HEG1: variants seen among roughly 807,000 people sequenced by gnomAD.
HEG1 encodes protein HEG homolog 1.
In HEG1, 56 loss-of-function variants were observed where a neutral mutation model predicts 125.6. The ratio of observed to expected loss-of-function variants is 0.45; its 90% CI spans 0.36 to 0.56. The LOEUF (loss-of-function observed/expected upper bound fraction) is 0.56. Ranked by LOEUF, HEG1 falls within the 20% of genes least tolerant of loss-of-function variation. The pLI is 0.00. For missense variants in HEG1, 1,523 were observed against 1,670.0 expected (o/e 0.91, Z 1.53); for synonymous variants, 644 against 668.5 (o/e 0.96, Z 0.57).
intron 5 of HEG1, among the ~76,000 whole-genome samples, chr3:125,015,803 CA>C (rs1458079453): frequency 2.2e-5 from 3 of 137,296 alleles, no homozygotes; most frequent in African/African-American, 7.7e-5. Flanking sequence ...AAAAAAAACC[CA>C]AAAAACAAAA....
At chr3:125,009,623 G>C in intron 8 of HEG1, 82 bp downstream of exon 8, 7 of 1,391,964 alleles carry the variant, frequency 5.0e-6, no homozygotes, top group Non-Finnish European at 5.8e-6. Flanking sequence ...ACTGATTTTG[G>C]TTAGCAAGAA....
intron 11 of HEG1, among the ~76,000 whole-genome samples, chr3:125,001,021 T>G (rs1350654472): frequency 6.6e-6 from 1 of 152,244 alleles, no homozygotes; most frequent in Non-Finnish European, 1.5e-5. Context: ...AAAACTTCCC[T>G]TTTGAACTTG....
At chr3:124,991,657 G>A (rs1046192668) in intron 12 of HEG1, among the ~76,000 whole-genome samples, 3 of 151,982 alleles carry the variant, frequency 2.0e-5, no homozygotes, top group African/African-American at 7.3e-5. Context: ...TGTTGCCCAG[G>A]CTAGAGTGCA....
chr3:124,987,952 C>CACACACATATATATATATATATATAT, intron 14 of HEG1, among the ~76,000 whole-genome samples: 3 of 54,700 alleles, frequency 5.5e-5, no homozygotes, highest in Admixed American at 4.4e-4. Flanking sequence ...CACACACACA[C>CACACACATATATATATATATATATAT]ATATATATAT....
chr3:124,992,142 C>A (rs899764365), intron 12 of HEG1, among the ~76,000 whole-genome samples: 1 of 152,150 alleles, frequency 6.6e-6, no homozygotes, highest in Non-Finnish European at 1.5e-5. Flanking sequence ...GTTTTCGTAA[C>A]AGAATGCTCA....
chr3:124,968,480 A>C lies in HEG1; in HGVS notation c.*2172T>G, dbSNP rs1257934418. 1 of 152,232 alleles carries C rather than the reference A, an allele frequency of 6.6e-6. No homozygotes were observed. Among genetic ancestry groups the C allele is most frequent in the Non-Finnish European group, 1.5e-5 (1 of 68,050 alleles). 9.4% of individuals were successfully genotyped at this position (152,232 alleles called of 1,614,324 possible). ...ATACGGAAGAAACCCATGAACAAGA[A>C]GCATTGTTGGAACTCACAGGACACC... is the stretch of plus-strand genomic sequence containing the variant. On this transcript the variant is annotated 3_prime_UTR_variant, in exon 17 of 17. Transcript: ENST00000311127.
At chr3:125,011,065 T>C (rs1461526953) in intron 6 of HEG1, among the ~76,000 whole-genome samples, 1 of 152,154 alleles carries the variant, frequency 6.6e-6, no homozygotes, top group Non-Finnish European at 1.5e-5. Context: ...CAAATGTAAC[T>C]CAGCCTCCAC....
chr3:124,976,034 G>A (rs12630619), intron 15 of HEG1, among the ~76,000 whole-genome samples: 6,711 of 152,262 alleles, frequency 0.044, 227 homozygotes, highest in East Asian at 0.16. Flanking sequence ...ATATACCTAA[G>A]AGTGGAAGTG....
intron 1 of HEG1, among the ~76,000 whole-genome samples, chr3:125,040,575 A>G (rs1359897336): frequency 1.3e-5 from 2 of 152,206 alleles, no homozygotes; most frequent in Non-Finnish European, 2.9e-5. Context: ...GGACTGGTGG[A>G]CCACAATCAA....
rs1320355873 is a variant in HEG1 at position 124,977,860 on chromosome 3, T to C, written c.3820A>G (p.Arg1274Gly). The change falls in exon 15 of 17, where the codon AGA becomes GGA. Residue 1274 changes from arginine to glycine, a missense_variant and splice_region_variant. By Grantham distance (125) the Arg-to-Gly change is moderately radical. Coordinates refer to ENST00000311127, the MANE Select transcript of HEG1 (RefSeq NM_020733.2). The part of the protein sequence containing the change: ...LGIALIVTCC[R>G]KNKNDISKLI... The stretch of plus-strand genomic sequence containing the variant: ...GGAACCTGAACTCTCATCACTTACC[T>C]GCAACAGGTAACAATCAGTGCGATG... 3.8e-6 allele frequency: 6 copies of C among 1,562,342 alleles called. No individual in the cohort carries two copies. Among genetic ancestry groups the C allele is most frequent in the East Asian group, 2.4e-5 (1 of 42,034 alleles).
intron 3 of HEG1, among the ~76,000 whole-genome samples, chr3:125,024,922 C>T (rs910339301): frequency 6.6e-6 from 1 of 152,246 alleles, no homozygotes. Flanking sequence ...TGAGGCGCAT[C>T]ACTCATCGGA....
chr3:125,006,719 T>G (rs187882331), intron 8 of HEG1, among the ~76,000 whole-genome samples: 1 of 152,230 alleles, frequency 6.6e-6, no homozygotes, highest in Non-Finnish European at 1.5e-5. Flanking sequence ...GTTCCTCTGA[T>G]GTTTATGAAC....
intron 5 of HEG1, among the ~76,000 whole-genome samples, chr3:125,018,132 A>G (rs1021421862): frequency 1.3e-5 from 2 of 152,216 alleles, no homozygotes; most frequent in Non-Finnish European, 2.9e-5. Flanking sequence ...AACAACCCAA[A>G]CATCCATCAA....
In HEG1 at chr3:125,021,209, T is replaced by C; in HGVS notation, c.914-79A>G. 4 of 1,122,666 alleles carry C rather than the reference T, an allele frequency of 3.6e-6. No homozygotes were observed. The South Asian group carries it at 4.9e-5, about 14-fold the overall frequency. 69.5% of individuals were successfully genotyped at this position (1,122,666 alleles called of 1,614,324 possible). ...GACTATATTCGAGATACAAATGACG[T>C]TTCTTACATTTTGGTGGATACATCT... On this transcript the variant is annotated intron_variant, in intron 3 of 16. Transcript: ENST00000311127.
In HEG1 at chr3:124,969,607, C is replaced by T. The variant is rs1936390430; in HGVS notation, c.*1045G>A. The T allele has an allele frequency of 6.6e-6, 1 of 152,228 alleles. No homozygotes were observed. Among genetic ancestry groups the T allele is most frequent in the African/African-American group, 2.4e-5 (1 of 41,440 alleles). 9.4% of individuals were successfully genotyped at this position (152,228 alleles called of 1,614,324 possible). ...GCTCCATCTCGGCTCCCTGTTCTTCCTCAGGAATCCACACAGCTTCCCAAA... is the reference window on the plus strand; with the variant it reads ...GCTCCATCTCGGCTCCCTGTTCTTCTTCAGGAATCCACACAGCTTCCCAAA... On this transcript the variant is annotated 3_prime_UTR_variant, in exon 17 of 17. Transcript: ENST00000311127.
chr3:125,022,911 C>T (rs927440862), intron 3 of HEG1, among the ~76,000 whole-genome samples: 12 of 152,066 alleles, frequency 7.9e-5, no homozygotes, highest in Non-Finnish European at 1.8e-4. Flanking sequence ...ATCCAGTGGT[C>T]GGCCGGGTGC....
intron 1 of HEG1, among the ~76,000 whole-genome samples, chr3:125,030,258 G>A (rs947340570): frequency 2.6e-5 from 4 of 152,172 alleles, no homozygotes; most frequent in African/African-American, 4.8e-5. Flanking sequence ...GCTGTAATGC[G>A]CAATTCTGAT....
chr3:125,033,967 C>A (rs1265166094), intron 1 of HEG1, among the ~76,000 whole-genome samples: 1 of 151,902 alleles, frequency 6.6e-6, no homozygotes. Flanking sequence ...CGGCCCACCC[C>A]ACCCCGCCCT....
chr3:125,015,453 C>T (rs1937230729), intron 5 of HEG1, among the ~76,000 whole-genome samples: 1 of 152,214 alleles, frequency 6.6e-6, no homozygotes, highest in Non-Finnish European at 1.5e-5. Flanking sequence ...ACCAGGAATA[C>T]ATGAATGGCC....
Sources: gnomAD v4.1 joint callset for allele counts (sites outside exome capture counted in the v4.1 genomes callset) on GRCh38, gnomAD v4.1.1 for gene constraint, MANE v1.5 for transcripts, NCBI Gene and HGNC (gene_info 2026-07-23, HGNC 2026-07-21) for gene names.